Variants in DNAAF5 observed in about 807,000 individuals in gnomAD.
The protein encoded by DNAAF5 is dynein axonemal assembly factor 5, also known as HEAT repeat containing 2.
A neutral mutation model predicts 75.8 loss-of-function variants in DNAAF5; 64 were observed. The ratio of observed to expected loss-of-function variants is 0.84; its 90% CI spans 0.69 to 1.04. The LOEUF (loss-of-function observed/expected upper bound fraction) is 1.04. DNAAF5 is among the 50% of genes least tolerant of loss of function. DNAAF5 has a pLI of 0.00. For missense variants in DNAAF5, 1,269 were observed against 1,178.5 expected, an observed-to-expected ratio of 1.08 and a Z score of -1.12; for synonymous variants, 657 against 557.2, an observed-to-expected ratio of 1.18 and a Z score of -2.52.
Position 728,383 on chromosome 7 carries a change from G to A in DNAAF5, c.595+1068G>A, listed in dbSNP as rs1305780859. Among the ~76,000 whole-genome samples the A allele has an allele frequency of 2.6e-5, 4 of 152,318 alleles. No individual in the cohort carries two copies. The East Asian group carries it at 7.7e-4, about 29-fold the overall frequency. On this transcript the variant is annotated intron_variant, in intron 1 of 12. Coordinates refer to ENST00000297440, the MANE Select transcript of DNAAF5 (RefSeq NM_017802.4). Reference sequence around the variant, plus strand: ...GGTCTGAATGTAGTGGGAAGTGCAGGGGGTGTCAATAGAAGTGATAGACCC... The same window carrying A: ...GGTCTGAATGTAGTGGGAAGTGCAGAGGGTGTCAATAGAAGTGATAGACCC...
intron 2 of DNAAF5, among the ~76,000 whole-genome samples, chr7:739,903 C>T (rs957977832): frequency 6.6e-6 from 1 of 152,148 alleles, no homozygotes; most frequent in Admixed American, 6.5e-5. Flanking sequence ...GTCCCCTGCA[C>T]CTACGACTGG....
chr7:745,132 C>A (rs1479233464), intron 4 of DNAAF5, among the ~76,000 whole-genome samples: 5 of 152,198 alleles, frequency 3.3e-5, no homozygotes, highest in African/African-American at 1.2e-4. Context: ...GGGCTCTCCT[C>A]ACCAATGAGG....
chr7:730,883 G>A (rs962422849), intron 2 of DNAAF5, among the ~76,000 whole-genome samples: 21 of 152,206 alleles, frequency 1.4e-4, no homozygotes, highest in African/African-American at 4.8e-4. Flanking sequence ...TGGAGCTGGC[G>A]TGGGTTCGGC....
At position 770,580 on chromosome 7, in the gene DNAAF5, C is replaced by G; in HGVS notation, c.1893C>G (p.Thr631=). The change falls in exon 9 of 13, where the codon ACC becomes ACG. Residue 631 remains threonine (T), a synonymous_variant. Coordinates refer to ENST00000297440, the MANE Select transcript of DNAAF5 (RefSeq NM_017802.4). ...MRLKLFSILS[T]VLLRATDTIN... The stretch of plus-strand genomic sequence containing the variant: ...TGAAGCTGTTCTCCATCCTGTCCAC[C>G]GTGCTGCTCAGAGCCACGGACACCA... 54 of 1,613,884 alleles carry G rather than the reference C, an allele frequency of 3.3e-5. No individual in the cohort carries two copies. Among genetic ancestry groups the G allele is most frequent in the Non-Finnish European group, 4.2e-5 (50 of 1,179,992 alleles).
chr7:777,920 G>T (rs935833614), intron 11 of DNAAF5, among the ~76,000 whole-genome samples: 1 of 152,184 alleles, frequency 6.6e-6, no homozygotes, highest in Non-Finnish European at 1.5e-5. Flanking sequence ...GAGAGGTGCC[G>T]AGTGGGCCGA....
chr7:738,728 G>T (rs1781810623), intron 2 of DNAAF5, among the ~76,000 whole-genome samples: 1 of 152,232 alleles, frequency 6.6e-6, no homozygotes, highest in African/African-American at 2.4e-5. Flanking sequence ...AGTAGAGACT[G>T]ATAGAAAAGG....
rs1778454139 is a variant in DNAAF5, at chr7:768,929, C to T, written c.1784-1542C>T. On this transcript the variant is annotated intron_variant, in intron 8 of 12. Transcript: ENST00000297440. ...CAGCGTGGTTCTCGTGGCAGGGCGG[C>T]ACTTGGCCCAAGACTCGTGCTCTGG... 1.1e-5 allele frequency: 6 copies of T among 552,996 alleles called. No homozygotes were observed. In the Admixed American group the frequency reaches 1.8e-4, roughly 17 times the overall value. The allele number at this position is 552,996 out of a possible 1,614,324, so 34.3% of individuals were successfully genotyped here.
rs1416772214 is a variant in DNAAF5 at position 765,580 on chromosome 7, AACTGATTGGCAGC to A, written c.1783+1607_1783+1619del. Among the ~76,000 whole-genome samples, 65 of 152,300 alleles carry A rather than the reference AACTGATTGGCAGC, an allele frequency of 4.3e-4. 2 individuals are homozygous for A. The highest frequency in any genetic ancestry group is 2.9e-5 in the Non-Finnish European group (2 of 68,030). ...GAAGCATTTCTTATGGTGTTGGCGG[AACTGATTGGCAGC>A]TTGGAACACACATCTCTTTGGGCCC... On this transcript the variant is annotated intron_variant, in intron 8 of 12. Coordinates refer to ENST00000297440, the MANE Select transcript of DNAAF5 (RefSeq NM_017802.4).
intron 6 of DNAAF5, among the ~76,000 whole-genome samples, chr7:758,013 G>T (rs976115540): frequency 1.8e-4 from 27 of 152,250 alleles, no homozygotes; most frequent in Non-Finnish European, 1.5e-5. Flanking sequence ...CCTGTAAGCA[G>T]TTCCTGGAAT....
At chr7:763,422 T>C (rs2128080934) in intron 7 of DNAAF5, among the ~76,000 whole-genome samples, 1 of 152,324 alleles carries the variant, frequency 6.6e-6, no homozygotes, top group African/African-American at 2.4e-5. Context: ...TCTGGTCTGC[T>C]GGGCTTAACT....
At position 763,833 on chromosome 7, in the gene DNAAF5, A is replaced by ATG; in HGVS notation, c.1643_1644dup (p.Val549TrpfsTer23). On this transcript the variant is annotated frameshift_variant, in exon 8 of 13. Coordinates refer to ENST00000297440, the MANE Select transcript of DNAAF5 (RefSeq NM_017802.4). LOFTEE classifies it high-confidence loss of function. ...ACAGGAGACGATGGACTCACTGGCC[A>ATG]TGGTGGAGGGTGTCAGCAGCTGCCA... The ATG allele has an allele frequency of 6.2e-7, 1 of 1,613,502 alleles. No homozygotes were observed. Among genetic ancestry groups the ATG allele is most frequent in the Non-Finnish European group, 8.5e-7 (1 of 1,180,036 alleles).
chr7:774,574 A>T (rs2128084983), intron 10 of DNAAF5, among the ~76,000 whole-genome samples: 1 of 152,184 alleles, frequency 6.6e-6, no homozygotes, highest in African/African-American at 2.4e-5. Flanking sequence ...GTTTCTATGA[A>T]CACCTCCGGC....
intron 11 of DNAAF5, 22 bp from the exon 12 acceptor site, chr7:779,931 C>G (rs1209647041): frequency 1.9e-6 from 3 of 1,608,030 alleles, no homozygotes; most frequent in Non-Finnish European, 1.7e-6. Context: ...ACTCACACAC[C>G]TGTCTCGCTC....
intron 4 of DNAAF5, among the ~76,000 whole-genome samples, chr7:753,494 G>A (rs1416219930): frequency 6.6e-6 from 1 of 152,346 alleles, no homozygotes; most frequent in Admixed American, 6.5e-5. Context: ...GGCGAAGGAC[G>A]CAGCTGTCAC....
At chr7:744,540 AAC>A (rs1361819293) in intron 4 of DNAAF5, among the ~76,000 whole-genome samples, 2 of 152,110 alleles carry the variant, frequency 1.3e-5, no homozygotes, top group Admixed American at 6.5e-5. Context: ...GCAGCCAAAA[AAC>A]ACATGAAAAA....
At chr7:770,674 C>G in intron 9 of DNAAF5, 56 bp downstream of exon 9, 1 of 1,551,534 alleles carries the variant, frequency 6.4e-7, no homozygotes. Context: ...GCCAGGGGTC[C>G]CCATCTCCCT....
chr7:774,300 C>G, intron 10 of DNAAF5, 102 bp downstream of exon 10: 1 of 1,240,158 alleles, frequency 8.1e-7, no homozygotes, highest in Non-Finnish European at 1.1e-6. Context: ...CAGGCAGCAG[C>G]TGCACCTCCA....
At chr7:748,513 A>G (rs1347579875) in intron 4 of DNAAF5, among the ~76,000 whole-genome samples, 1 of 152,120 alleles carries the variant, frequency 6.6e-6, no homozygotes, top group Non-Finnish European at 1.5e-5. Context: ...CGTGCTCTGG[A>G]TGCAGGTCCC....
chr7:772,802 T>G (rs1046992523), intron 9 of DNAAF5: 1 of 152,042 alleles, frequency 6.6e-6, no homozygotes, highest in Non-Finnish European at 1.5e-5. Flanking sequence ...GAGCGGAGAT[T>G]GCGCCATTTC....
Sources: gnomAD v4.1 joint callset for allele counts (sites outside exome capture counted in the v4.1 genomes callset) on GRCh38, gnomAD v4.1.1 for gene constraint, MANE v1.5 for transcripts, NCBI Gene and HGNC (gene_info 2026-07-23, HGNC 2026-07-21) for gene names.